CDK14: variants seen among roughly 807,000 people sequenced by gnomAD.
CDK14 encodes cyclin dependent kinase 14.
In CDK14, 34 loss-of-function variants were observed where a neutral mutation model predicts 60.7. The observed-to-expected ratio is 0.56, with a 90% confidence interval of 0.43 to 0.75. CDK14 has a LOEUF of 0.75. CDK14 is among the 30% of genes least tolerant of loss of function. CDK14 has a pLI of 0.00. For missense variants in CDK14, 482 were observed against 564.1 expected, an observed-to-expected ratio of 0.85 and a Z score of 1.47; for synonymous variants, 197 against 203.7, an observed-to-expected ratio of 0.97 and a Z score of 0.28.
chr7:90,711,688 C>T (rs1315879641), intron 2 of CDK14, among the ~76,000 whole-genome samples: 2 of 152,020 alleles, frequency 1.3e-5, no homozygotes, highest in Non-Finnish European at 2.9e-5. Context: ...CCTGAAGAAG[C>T]TTAGATATAG....
intron 2 of CDK14, among the ~76,000 whole-genome samples, chr7:90,606,462 C>T (rs186697767): frequency 9.1e-4 from 139 of 152,258 alleles, no homozygotes; most frequent in Non-Finnish European, 4.9e-4. Flanking sequence ...ATCTTCATTG[C>T]CTTCATCATC....
At chr7:90,750,935 G>A (rs902848622) in intron 4 of CDK14, among the ~76,000 whole-genome samples, 2 of 151,942 alleles carry the variant, frequency 1.3e-5, no homozygotes, top group African/African-American at 4.8e-5. Flanking sequence ...TAGACCAAGT[G>A]GAAGAAATAA....
At chr7:90,644,049 T>C (rs1226342366) in intron 2 of CDK14, among the ~76,000 whole-genome samples, 2 of 152,150 alleles carry the variant, frequency 1.3e-5, no homozygotes, top group Non-Finnish European at 2.9e-5. Context: ...CCTGATCTAA[T>C]TGGGTTAATG....
At chr7:91,163,042 C>A (rs1801218399) in intron 14 of CDK14, among the ~76,000 whole-genome samples, 1 of 152,182 alleles carries the variant, frequency 6.6e-6, no homozygotes, top group African/African-American at 2.4e-5. Context: ...CCAAATCTAT[C>A]TGTATGTTCC....
chr7:91,098,525 GAGA>G lies in CDK14; in HGVS notation c.1155-14015_1155-14013del, dbSNP rs1562903733. ...AAAAAAAGAAAGAAAAAGAAAGAAA[GAGA>G]AAAAAAAAAAGAAATAAAGGCAAAA... On this transcript the variant is annotated intron_variant, in intron 12 of 14. Transcript: ENST00000380050. Among the ~76,000 whole-genome samples the G allele has an allele frequency of 4.5e-3, 606 of 134,674 alleles. 6 individuals carry two copies. Among genetic ancestry groups the G allele is most frequent in the African/African-American group, 0.013 (482 of 38,180 alleles). The allele number at this position is 134,674 out of a possible 152,430, so 88.4% of individuals were successfully genotyped here. A position where few individuals can be genotyped will look rare whatever the true frequency, so the allele number is the denominator to read the frequency against.
chr7:90,879,385 G>A (rs760939936), intron 6 of CDK14, among the ~76,000 whole-genome samples: 13 of 151,992 alleles, frequency 8.6e-5, no homozygotes, highest in Admixed American at 4.6e-4. Flanking sequence ...CATACTCTTT[G>A]TATCATTAAC....
chr7:91,006,852 A>G (rs1584223502), intron 10 of CDK14, among the ~76,000 whole-genome samples: 1 of 152,220 alleles, frequency 6.6e-6, no homozygotes, highest in South Asian at 2.1e-4. Flanking sequence ...CAGCAATTTC[A>G]TATAAATCTT....
chr7:90,858,281 AAC>A (rs1790895095), intron 5 of CDK14, among the ~76,000 whole-genome samples: 1 of 152,190 alleles, frequency 6.6e-6, no homozygotes, highest in African/African-American at 2.4e-5. Context: ...TTGTGGGACA[AAC>A]ACAGTAGGAA....
At chr7:90,742,857 C>A (rs1410326225) in intron 3 of CDK14, among the ~76,000 whole-genome samples, 1 of 151,658 alleles carries the variant, frequency 6.6e-6, no homozygotes, top group East Asian at 1.9e-4. Context: ...ATTTAAGATA[C>A]AAAGATTCAG....
rs542787859 is a variant in CDK14 at position 90,844,674 on chromosome 7, C to T, written c.545-18501C>T. On this transcript the variant is annotated intron_variant, in intron 5 of 14. Coordinates refer to ENST00000380050, the MANE Select transcript of CDK14 (RefSeq NM_001287135.2). The stretch of plus-strand genomic sequence containing the variant: ...ATCTGTTGTTCATGTGATCTTAACC[C>T]TCTCTGCAGTCAACAAATGAAGGAT... Among the ~76,000 whole-genome samples, 10 of 152,266 alleles carry T rather than the reference C, an allele frequency of 6.6e-5. No individual in the cohort carries two copies. The East Asian group carries it at 1.9e-3, about 29-fold the overall frequency.
chr7:90,636,863 G>T (rs1800163852), intron 2 of CDK14, among the ~76,000 whole-genome samples: 1 of 151,986 alleles, frequency 6.6e-6, no homozygotes, highest in Admixed American at 6.6e-5. Context: ...TTAGTCTTGG[G>T]AGAGTGTATG....
chr7:91,056,840 G>A (rs1489703635), intron 11 of CDK14, among the ~76,000 whole-genome samples: 1 of 152,120 alleles, frequency 6.6e-6, no homozygotes, highest in Non-Finnish European at 1.5e-5. Flanking sequence ...CCAAGTCTTT[G>A]CTATTGTGAA....
intron 9 of CDK14, among the ~76,000 whole-genome samples, chr7:90,981,805 A>AACAAAACAAAACAAAACAAAACAAC (rs1795234564): frequency 6.6e-6 from 1 of 151,676 alleles, no homozygotes; most frequent in African/African-American, 2.4e-5. Flanking sequence ...GAGTTCTAGA[A>AACAAAACAAAACAAAACAAAACAAC]ACAAAACAAA....
chr7:90,721,977 G>C (rs1802471559), intron 2 of CDK14, among the ~76,000 whole-genome samples: 1 of 152,104 alleles, frequency 6.6e-6, no homozygotes, highest in Admixed American at 6.6e-5. Context: ...ACGCAGGGGA[G>C]TAGCGCCAGT....
chr7:90,816,368 G>T (rs1001596409), intron 5 of CDK14, among the ~76,000 whole-genome samples: 1 of 152,182 alleles, frequency 6.6e-6, no homozygotes, highest in Non-Finnish European at 1.5e-5. Flanking sequence ...ATGAAAACTC[G>T]AGCTGCTCAG....
intron 7 of CDK14, among the ~76,000 whole-genome samples, chr7:90,908,627 A>C (rs983739777): frequency 6.6e-6 from 1 of 152,168 alleles, no homozygotes; most frequent in African/African-American, 2.4e-5. Context: ...TCCAAGACAG[A>C]CATGAGACCC....
chr7:90,794,308 A>G (rs1328127656), intron 5 of CDK14, among the ~76,000 whole-genome samples: 1 of 152,176 alleles, frequency 6.6e-6, no homozygotes, highest in East Asian at 1.9e-4. Context: ...GTCATTGATA[A>G]CATCTTATCA....
intron 14 of CDK14, among the ~76,000 whole-genome samples, chr7:91,161,403 T>G (rs1801164895): frequency 1.3e-5 from 2 of 152,212 alleles, no homozygotes; most frequent in African/African-American, 4.8e-5. Flanking sequence ...TCACAGTATA[T>G]CCTGAGAAAA....
At chr7:90,795,288 A>G (rs957345773) in intron 5 of CDK14, among the ~76,000 whole-genome samples, 4 of 152,126 alleles carry the variant, frequency 2.6e-5, no homozygotes, top group Non-Finnish European at 4.4e-5. Context: ...CAATAATGCA[A>G]TATCCCACAG....
Sources: gnomAD v4.1 joint callset for allele counts (sites outside exome capture counted in the v4.1 genomes callset) on GRCh38, gnomAD v4.1.1 for gene constraint, MANE v1.5 for transcripts, NCBI Gene and HGNC (gene_info 2026-07-23, HGNC 2026-07-21) for gene names.